IDE: variants seen among roughly 807,000 people sequenced by gnomAD.
The protein encoded by IDE is insulin-degrading enzyme.
Under a neutral mutation model 133.2 loss-of-function variants are expected in IDE, and 58 were observed. The ratio of observed to expected loss-of-function variants is 0.44; its 90% CI spans 0.35 to 0.54. IDE has a LOEUF of 0.54. Among genes scored for constraint, IDE ranks in the 20% least tolerant of loss-of-function variants. The pLI is 0.00. For synonymous variants in IDE, 396 were observed against 421.3 expected, an observed-to-expected ratio of 0.94 and a Z score of 0.73; for missense variants, 981 against 1,234.0, an observed-to-expected ratio of 0.79 and a Z score of 3.07.
chr10:92,479,317 C>T lies in IDE; in HGVS notation c.1844G>A (p.Gly615Asp). The T allele has an allele frequency of 6.2e-7, 1 of 1,613,604 alleles. No individual in the cohort carries two copies. Among genetic ancestry groups the T allele is most frequent in the African/African-American group, 1.3e-5 (1 of 75,016 alleles). The change falls in exon 15 of 25, where the codon GGC becomes GAC. Residue 615 changes from glycine (G) to aspartate (D), a missense_variant. Gly to Asp is a moderately conservative substitution (Grantham distance 94, BLOSUM62 -1). Transcript: ENST00000265986. The part of the protein sequence containing the change: ...NEYAYAAELA[G>D]LSYDLQNTIY... ...GGTATTTTGGAGATCATAGCTCAAG[C>T]CTGCTAGCTCTGCTGCATATGCATA...
chr10:92,492,951 A>G (rs891291188), intron 11 of IDE, among the ~76,000 whole-genome samples: 1 of 152,208 alleles, frequency 6.6e-6, no homozygotes, highest in South Asian at 2.1e-4. Context: ...TGTCAGTATG[A>G]CCGACTAATC....
At chr10:92,478,380 C>T (rs766807847) in intron 15 of IDE, among the ~76,000 whole-genome samples, 1 of 152,082 alleles carries the variant, frequency 6.6e-6, no homozygotes, top group Non-Finnish European at 1.5e-5. Context: ...GAACAATATG[C>T]TTTCAGGATT....
intron 19 of IDE, among the ~76,000 whole-genome samples, chr10:92,468,587 A>G (rs1845808141): frequency 6.6e-6 from 1 of 152,164 alleles, no homozygotes; most frequent in Non-Finnish European, 1.5e-5. Context: ...TTCATGACTC[A>G]TAGTCAATAC....
At chr10:92,457,461 A>G (rs1203715872) in intron 22 of IDE, among the ~76,000 whole-genome samples, 1 of 149,652 alleles carries the variant, frequency 6.7e-6, no homozygotes, top group African/African-American at 2.5e-5. Flanking sequence ...CAGAAGCTAG[A>G]GTCTGCTTGC....
At chr10:92,539,701 T>C (rs566053063) in intron 1 of IDE, among the ~76,000 whole-genome samples, 3 of 151,564 alleles carry the variant, frequency 2.0e-5, no homozygotes, top group African/African-American at 4.8e-5. Context: ...GAGGCAAAGG[T>C]TGCAGTGAGC....
intron 13 of IDE, among the ~76,000 whole-genome samples, chr10:92,483,860 A>C (rs2421940): frequency 6.6e-6 from 1 of 152,130 alleles, no homozygotes; most frequent in East Asian, 1.9e-4. Context: ...TTGCATCCTG[A>C]TCACTCACTT....
chr10:92,541,556 A>G (rs116315749), intron 1 of IDE, among the ~76,000 whole-genome samples: 1,834 of 152,318 alleles, frequency 0.012, 44 homozygotes, highest in African/African-American at 0.041. Context: ...GTTAAAGTTA[A>G]AATTTTAGGA....
chr10:92,507,537 CAG>C (rs756621606), intron 9 of IDE, 36 bp downstream of exon 9: 1 of 1,032,000 alleles, frequency 9.7e-7, no homozygotes, highest in Non-Finnish European at 1.5e-6. Flanking sequence ...TCTTGAAAAA[CAG>C]ATTCCTTAAG....
At chr10:92,474,148 C>G (rs988951150) in intron 17 of IDE, among the ~76,000 whole-genome samples, 1 of 152,118 alleles carries the variant, frequency 6.6e-6, no homozygotes, top group Non-Finnish European at 1.5e-5. Flanking sequence ...ACTGCAGCCT[C>G]AACTTCCCGG....
At chr10:92,477,401 C>T (rs1371149956) in intron 15 of IDE, among the ~76,000 whole-genome samples, 1 of 152,138 alleles carries the variant, frequency 6.6e-6, no homozygotes, top group East Asian at 1.9e-4. Context: ...AAGCAATCTG[C>T]CTGCCTTGGC....
intron 1 of IDE, among the ~76,000 whole-genome samples, chr10:92,568,937 A>T (rs1316164954): frequency 6.6e-6 from 1 of 152,178 alleles, no homozygotes; most frequent in Non-Finnish European, 1.5e-5. Context: ...CCTAAAGTAG[A>T]TGGTACACAG....
At chr10:92,475,020 GT>G (rs1846177147) in intron 16 of IDE, 59 bp from the exon 17 acceptor site, 1 of 1,364,546 alleles carries the variant, frequency 7.3e-7, no homozygotes, top group Non-Finnish European at 1.0e-6. Flanking sequence ...CATTTCAAAA[GT>G]CCAGTTATAA....
At chr10:92,558,944 A>C (rs1468981441) in intron 1 of IDE, 10 of 151,746 alleles carry the variant, frequency 6.6e-5, no homozygotes, top group East Asian at 1.9e-4. Context: ...AAAAAAAAAA[A>C]CCCAATTAAC....
At chr10:92,545,301 A>T (rs570245889) in intron 1 of IDE, among the ~76,000 whole-genome samples, 2 of 145,976 alleles carry the variant, frequency 1.4e-5, no homozygotes, top group Non-Finnish European at 3.1e-5. Flanking sequence ...GAAAGGAAAG[A>T]GGAAAAAAAT....
chr10:92,533,376 A>G (rs765230619), intron 3 of IDE, among the ~76,000 whole-genome samples: 5 of 152,226 alleles, frequency 3.3e-5, no homozygotes, highest in Non-Finnish European at 5.9e-5. Flanking sequence ...ATAAAATAAA[A>G]TAAGTAGGAA....
chr10:92,545,191 C>G (rs1564667711), intron 1 of IDE, among the ~76,000 whole-genome samples: 1 of 152,108 alleles, frequency 6.6e-6, no homozygotes. Context: ...CCTCCCCCAC[C>G]AACACGATGC....
At chr10:92,508,583 G>A in intron 7 of IDE, 145 bp downstream of exon 7, 2 of 553,152 alleles carry the variant, frequency 3.6e-6, no homozygotes, top group Admixed American at 3.4e-5. Flanking sequence ...AAAGGCAACA[G>A]CGTGCCAACA....
At chr10:92,508,559 G>GAAAAAAAAAAA (rs5787000) in intron 7 of IDE, among the ~76,000 whole-genome samples, 169 bp downstream of exon 7, 3 of 130,604 alleles carry the variant, frequency 2.3e-5, no homozygotes. Context: ...ATCTAAAAAA[G>GAAAAAAAAAAA]AAAAAAAAAA....
At chr10:92,494,484 G>C (rs1847571809) in intron 11 of IDE, among the ~76,000 whole-genome samples, 1 of 151,730 alleles carries the variant, frequency 6.6e-6, no homozygotes, top group African/African-American at 2.4e-5. Context: ...GCTCAAGCCT[G>C]TAATCCCAAC....
Sources: gnomAD v4.1 joint callset for allele counts (sites outside exome capture counted in the v4.1 genomes callset) on GRCh38, gnomAD v4.1.1 for gene constraint, MANE v1.5 for transcripts, NCBI Gene and HGNC (gene_info 2026-07-23, HGNC 2026-07-21) for gene names.